Variants in WDR7 observed in about 807,000 individuals in gnomAD.
WDR7 encodes WD repeat-containing protein 7.
WDR7 carries 46 observed loss-of-function variants against 169.4 expected under a neutral mutation model. That is an observed-to-expected ratio of 0.27 (90% CI 0.21 to 0.35). WDR7 has a LOEUF of 0.35. Among genes scored for constraint, WDR7 ranks in the 10% least tolerant of loss-of-function variants. WDR7 has a pLI of 1.00. For missense variants in WDR7, 1,534 were observed against 1,859.3 expected (o/e 0.83, Z 3.22); for synonymous variants, 612 against 666.8 (o/e 0.92, Z 1.27).
At chr18:56,963,984 G>T (rs1219751862) in intron 26 of WDR7, among the ~76,000 whole-genome samples, 2 of 150,914 alleles carry the variant, frequency 1.3e-5, no homozygotes, top group Non-Finnish European at 3.0e-5. Flanking sequence ...CTTTAAAAAT[G>T]AAGTGAGGAG....
chr18:56,970,090 A>C (rs904049679), intron 26 of WDR7, among the ~76,000 whole-genome samples: 3 of 152,162 alleles, frequency 2.0e-5, no homozygotes, highest in Non-Finnish European at 4.4e-5. Flanking sequence ...ATATCAAAAA[A>C]TGTTAGCTAT....
chr18:56,751,666 A>G (rs2144910141), intron 14 of WDR7, among the ~76,000 whole-genome samples: 1 of 152,306 alleles, frequency 6.6e-6, no homozygotes, highest in East Asian at 1.9e-4. Context: ...ACAGCTTTGT[A>G]TGTGGTAGCT....
At chr18:56,807,321 GT>G (rs1468374551) in intron 19 of WDR7, among the ~76,000 whole-genome samples, 1 of 152,064 alleles carries the variant, frequency 6.6e-6, no homozygotes, top group African/African-American at 2.4e-5. Context: ...TATCAAAACG[GT>G]TTTTTCTTTG....
At chr18:57,030,630 G>A (rs936039999), downstream of WDR7, 3 of 152,138 alleles carry the variant, frequency 2.0e-5, no homozygotes, top group African/African-American at 7.2e-5. Context: ...GCCCAGTGTT[G>A]AAGAAAATCA....
At chr18:56,694,895 A>T (rs2025663531) in intron 10 of WDR7, 55 bp from the exon 11 acceptor site, 2 of 1,557,296 alleles carry the variant, frequency 1.3e-6, no homozygotes, top group South Asian at 1.2e-5. Context: ...AATGTTTTAA[A>T]TTTTTTTTAA....
intron 1 of WDR7, among the ~76,000 whole-genome samples, chr18:56,667,754 G>T (rs1187183738): frequency 6.6e-6 from 1 of 151,964 alleles, no homozygotes; most frequent in African/African-American, 2.4e-5. Flanking sequence ...TGATCACCTT[G>T]GTGTGTTGAA....
chr18:56,745,591 A>C (rs1412183614), intron 14 of WDR7, among the ~76,000 whole-genome samples: 1 of 152,076 alleles, frequency 6.6e-6, no homozygotes, highest in African/African-American at 2.4e-5. Flanking sequence ...CAGGAGGTGG[A>C]GCTCAGGTGG....
chr18:56,920,754 C>A (rs1599159047), intron 21 of WDR7, among the ~76,000 whole-genome samples: 1 of 152,258 alleles, frequency 6.6e-6, no homozygotes, highest in Middle Eastern at 3.4e-3. Flanking sequence ...TTAAAGTATA[C>A]AACTTTTATT....
At chr18:56,740,070 T>G (rs2043592867) in intron 14 of WDR7, among the ~76,000 whole-genome samples, 1 of 151,940 alleles carries the variant, frequency 6.6e-6, no homozygotes, top group Admixed American at 6.5e-5. Context: ...AAAAAATTGT[T>G]TTTCGTAGGT....
chr18:56,840,960 CA>C lies in WDR7; in HGVS notation c.3304+24817del, dbSNP rs767471453. Among the ~76,000 whole-genome samples, 116 of 151,934 alleles carry C rather than the reference CA, an allele frequency of 7.6e-4. 1 individual carries two copies. Among genetic ancestry groups the C allele is most frequent in the Admixed American group, 2.1e-3 (32 of 15,266 alleles). On this transcript the variant is annotated intron_variant, in intron 20 of 27. Coordinates refer to ENST00000254442, the MANE Select transcript of WDR7 (RefSeq NM_015285.3). ...ATCCCAGCACTTTGAGGGGCCAAGA[CA>C]GGGGGGATCACATGAGGTCACAAGT... is the stretch of plus-strand genomic sequence containing the variant.
Position 56,855,606 on chromosome 18 carries a change from T to C in WDR7, c.3305-24338T>C, listed in dbSNP as rs376867003. Among the ~76,000 whole-genome samples the C allele has an allele frequency of 3.9e-5, 6 of 152,210 alleles. No homozygotes were observed. The East Asian group carries it at 1.2e-3, about 29-fold the overall frequency. Reference sequence around the variant, plus strand: ...ATTCATATAAATAAACATTTCTTCATGATATATGCATATCTGGACCCTGGG... The same window carrying C: ...ATTCATATAAATAAACATTTCTTCACGATATATGCATATCTGGACCCTGGG... On this transcript the variant is annotated intron_variant, in intron 20 of 27. Coordinates refer to ENST00000254442, the MANE Select transcript of WDR7 (RefSeq NM_015285.3).
rs114029796 is a variant in WDR7, at chr18:57,004,725, A to G, written c.4165-16020A>G. 7.3e-3 allele frequency among the ~76,000 whole-genome samples: 1,106 copies of G among 152,296 alleles called. 15 individuals carry two copies. The highest frequency in any genetic ancestry group is 0.024 in the African/African-American group (1,013 of 41,550). On this transcript the variant is annotated intron_variant, in intron 26 of 27. Coordinates refer to ENST00000254442, the MANE Select transcript of WDR7 (RefSeq NM_015285.3). ...AGAAGGATTTCTTGTATTTAAAGTT[A>G]TATTAGTTATCAATATTTTACAGAT...
intron 20 of WDR7, among the ~76,000 whole-genome samples, chr18:56,861,902 C>T (rs1212388696): frequency 6.6e-6 from 1 of 151,862 alleles, no homozygotes; most frequent in African/African-American, 2.4e-5. Context: ...ACAATTAGAC[C>T]GTTGGACTTT....
At chr18:56,869,788 T>C (rs891305589) in intron 20 of WDR7, among the ~76,000 whole-genome samples, 1 of 152,238 alleles carries the variant, frequency 6.6e-6, no homozygotes, top group African/African-American at 2.4e-5. Flanking sequence ...CATACAACCA[T>C]GTACAATTTT....
chr18:56,907,158 T>G (rs983400438), intron 21 of WDR7, among the ~76,000 whole-genome samples: 7 of 152,250 alleles, frequency 4.6e-5, no homozygotes, highest in African/African-American at 1.4e-4. Context: ...GGTGACCATC[T>G]GTTTCCTTTA....
chr18:56,785,037 G>A (rs890876083), intron 19 of WDR7, among the ~76,000 whole-genome samples: 30 of 152,030 alleles, frequency 2.0e-4, no homozygotes, highest in Middle Eastern at 3.4e-3. Context: ...TGTTAAACTC[G>A]TTTTAGTTTG....
chr18:56,778,372 T>C (rs928676428), intron 17 of WDR7, among the ~76,000 whole-genome samples: 3 of 152,222 alleles, frequency 2.0e-5, no homozygotes, highest in Non-Finnish European at 4.4e-5. Context: ...ATAATTCATC[T>C]TGTAACATGA....
intron 2 of WDR7, among the ~76,000 whole-genome samples, chr18:56,674,617 A>G (rs562060): frequency 0.92 from 139,636 of 152,150 alleles, 65,254 homozygotes; most frequent in East Asian, 1. Flanking sequence ...CCATTTTATC[A>G]GTTGTTTTTT....
intron 7 of WDR7, among the ~76,000 whole-genome samples, chr18:56,687,797 T>G (rs1035850279): frequency 3.3e-5 from 5 of 152,174 alleles, no homozygotes; most frequent in African/African-American, 1.2e-4. Context: ...TGGCTAATTT[T>G]AGAATTTTTT....
Sources: gnomAD v4.1 joint callset for allele counts (sites outside exome capture counted in the v4.1 genomes callset) on GRCh38, gnomAD v4.1.1 for gene constraint, MANE v1.5 for transcripts, NCBI Gene and HGNC (gene_info 2026-07-23, HGNC 2026-07-21) for gene names.